The following NRK variants were observed in gnomAD, a reference collection of about 807,000 sequenced individuals.
NRK encodes Nik related kinase.
Under a neutral mutation model 125.2 loss-of-function variants are expected in NRK, and 67 were observed. The ratio of observed to expected loss-of-function variants is 0.54; its 90% CI spans 0.44 to 0.66. The LOEUF is 0.66. Ranked by LOEUF, NRK falls within the 30% of genes least tolerant of loss-of-function variation. The pLI, the probability that NRK is intolerant of heterozygous loss-of-function variation, is 0.00. For synonymous variants in NRK, 458 were observed against 429.0 expected (o/e 1.07, Z -0.84); for missense variants, 1,224 against 1,192.9 (o/e 1.03, Z -0.38).
chrX:105,866,507 G>C (rs1289396969), intron 2 of NRK, among the ~76,000 whole-genome samples: 1 of 111,754 alleles, frequency 8.9e-6, no homozygotes, highest in African/African-American at 3.2e-5. Context: ...TGGCTGTAGA[G>C]AAAATCTTAA....
intron 8 of NRK, among the ~76,000 whole-genome samples, chrX:105,899,394 A>G (rs748343037): frequency 8.9e-6 from 1 of 111,859 alleles, no homozygotes; most frequent in South Asian, 3.7e-4. Flanking sequence ...CCCTGAGTGG[A>G]ACCTAGGACT....
chrX:105,909,155 C>G lies in NRK; in HGVS notation c.1514C>G (p.Thr505Ser), dbSNP rs771510051. The G allele has an allele frequency of 2.5e-6, 3 of 1,209,425 alleles. No individual in the cohort carries two copies. Among genetic ancestry groups the G allele is most frequent in the Admixed American group, 2.2e-5 (1 of 45,739 alleles). ...GTATCCAAAAAGCAGCAGGCCCAGA[C>G]CCAGACATCAGAACCACAAGATTTG... ...SQVSKKQQAQ[T>S]QTSEPQDLDQ... The change falls in exon 13 of 29, where the codon ACC becomes AGC. Residue 505 changes from threonine to serine, a missense_variant. Thr to Ser is a moderately conservative substitution (Grantham distance 58). Transcript: ENST00000243300.
chrX:105,821,999 T>C (rs953797886), upstream of NRK, among the ~76,000 whole-genome samples: 1 of 112,334 alleles, frequency 8.9e-6, no homozygotes, highest in African/African-American at 3.2e-5. Context: ...TCTGTTCAAA[T>C]AGGTGCTCGC....
intron 2 of NRK, among the ~76,000 whole-genome samples, chrX:105,832,720 CTT>C (rs1363156293): frequency 9.0e-6 from 1 of 111,057 alleles, no homozygotes; most frequent in Non-Finnish European, 1.9e-5. Flanking sequence ...GCTTTTTAAA[CTT>C]TGCACAACAG....
intron 14 of NRK, among the ~76,000 whole-genome samples, chrX:105,913,420 A>G (rs1456220037): frequency 8.9e-6 from 1 of 112,300 alleles, no homozygotes; most frequent in Non-Finnish European, 1.9e-5. Context: ...TTCACTTTGT[A>G]TATAGATCTT....
Position 105,949,809 on chromosome X carries a change from A to G in NRK, c.4513+75A>G, listed in dbSNP as rs1036889770. On this transcript the variant is annotated intron_variant, in intron 27 of 28. Transcript: ENST00000243300. ...GGGTAAAAAAGTGTCCTAAGAAAAG[A>G]TTTCCTGAATTATTACATTTTCTTA... The G allele has an allele frequency of 1.1e-5, 7 of 646,865 alleles. No homozygotes were observed. The Admixed American group carries it at 2.7e-4, about 25-fold the overall frequency. 53.3% of individuals were successfully genotyped at this position (646,865 alleles called of 1,213,427 possible). A position where few individuals can be genotyped will look rare whatever the true frequency, so the allele number is the denominator to read the frequency against.
intron 2 of NRK, among the ~76,000 whole-genome samples, chrX:105,834,702 CTG>C (rs1227675116): frequency 9.1e-6 from 1 of 110,354 alleles, no homozygotes; most frequent in Non-Finnish European, 1.9e-5. Context: ...TGGAGTGTGT[CTG>C]TGTGTGTTTC....
At chrX:105,870,032 C>T (rs1314809375) in intron 2 of NRK, among the ~76,000 whole-genome samples, 1 of 111,261 alleles carries the variant, frequency 9.0e-6, no homozygotes, top group Non-Finnish European at 1.9e-5. Flanking sequence ...TGGTTAAGCC[C>T]AGACAAACCT....
chrX:105,956,315 T>C lies in NRK; in HGVS notation c.*715T>C, dbSNP rs1406112414. The C allele has an allele frequency of 2.7e-5, 3 of 112,183 alleles. No homozygotes were observed. Among genetic ancestry groups the C allele is most frequent in the Non-Finnish European group, 5.6e-5 (3 of 53,177 alleles). The allele number at this position is 112,183 out of a possible 1,213,427, so 9.2% of individuals were successfully genotyped here. ...CCCAAAAGATGTGCAATAGCTGTTG[T>C]TACAAACCACCAAATAATACAGTTG... is the stretch of plus-strand genomic sequence containing the variant. On this transcript the variant is annotated 3_prime_UTR_variant, in exon 29 of 29. Transcript: ENST00000243300.
chrX:105,874,042 G>C (rs1438379935), intron 2 of NRK, among the ~76,000 whole-genome samples: 1 of 111,039 alleles, frequency 9.0e-6, no homozygotes, highest in Non-Finnish European at 1.9e-5. Flanking sequence ...TTTTTTTTCT[G>C]ACATTTTCTG....
chrX:105,838,407 A>G (rs915652099), intron 2 of NRK, among the ~76,000 whole-genome samples: 8 of 110,832 alleles, frequency 7.2e-5, no homozygotes, highest in South Asian at 3.9e-4. Context: ...CATTTTGTTA[A>G]GGTTAATACT....
chrX:105,888,268 C>T (rs1195281792), intron 4 of NRK, 26 bp from the exon 5 acceptor site: 3 of 1,172,354 alleles, frequency 2.6e-6, no homozygotes, highest in African/African-American at 3.6e-5. Context: ...AGTTTAGGAG[C>T]TTTGCTGTCT....
At chrX:105,915,034 AT>A (rs1321628430) in intron 14 of NRK, among the ~76,000 whole-genome samples, 1 of 108,207 alleles carries the variant, frequency 9.2e-6, no homozygotes, top group Non-Finnish European at 1.9e-5. Flanking sequence ...AAGCTGGCTT[AT>A]TATATGCACC....
At chrX:105,905,497 A>G (rs2040209042) in intron 10 of NRK, among the ~76,000 whole-genome samples, 154 bp downstream of exon 10, 2 of 112,843 alleles carry the variant, frequency 1.8e-5, no homozygotes, top group South Asian at 7.2e-4. Context: ...CTAAATGACC[A>G]GTTTTCATTA....
At chrX:105,884,998 C>A (rs2039925753) in intron 4 of NRK, among the ~76,000 whole-genome samples, 1 of 111,181 alleles carries the variant, frequency 9.0e-6, no homozygotes, top group Non-Finnish European at 1.9e-5. Flanking sequence ...ACCATTTTGG[C>A]CAGGCTGGTC....
Position 105,822,539 on chromosome X carries a change from A to C in NRK, c.-307A>C. ...TGAAAGAGGCGCACCCTGACGGGGC[A>C]GACACAGCGCTCTCGACACGGAGCA... On this transcript the variant is annotated 5_prime_UTR_variant, in exon 1 of 29. Transcript: ENST00000243300. The C allele has an allele frequency of 3.3e-5, 10 of 304,106 alleles. No individual in the cohort carries two copies. The highest frequency in any genetic ancestry group is 1.4e-4 in the East Asian group (2 of 14,571). The allele number at this position is 304,106 out of a possible 1,213,427, so 25.1% of individuals were successfully genotyped here. A position where few individuals can be genotyped will look rare whatever the true frequency, so the allele number is the denominator to read the frequency against.
At chrX:105,907,787 A>T (rs1019448708) in intron 11 of NRK, 2 of 112,508 alleles carry the variant, frequency 1.8e-5, no homozygotes, top group Non-Finnish European at 3.7e-5. Context: ...ATAGGAAAGA[A>T]GCTGAATGTT....
At chrX:105,950,193 G>A (rs1326340684) in intron 27 of NRK, among the ~76,000 whole-genome samples, 2 of 111,314 alleles carry the variant, frequency 1.8e-5, no homozygotes, top group Non-Finnish European at 3.8e-5. Flanking sequence ...ATATTCCTGT[G>A]AAGAATCAAA....
At chrX:105,878,921 G>T (rs892723854) in intron 2 of NRK, among the ~76,000 whole-genome samples, 1 of 111,158 alleles carries the variant, frequency 9.0e-6, no homozygotes, top group Non-Finnish European at 1.9e-5. Flanking sequence ...CAAACAAAAT[G>T]TATTCCCTCA....
Sources: gnomAD v4.1 joint callset for allele counts (sites outside exome capture counted in the v4.1 genomes callset) on GRCh38, gnomAD v4.1.1 for gene constraint, MANE v1.5 for transcripts, NCBI Gene and HGNC (gene_info 2026-07-23, HGNC 2026-07-21) for gene names.